The following TTC29 variants were observed in gnomAD, a reference collection of about 807,000 sequenced individuals.
The protein encoded by TTC29 is tetratricopeptide repeat protein 29.
TTC29 carries 49 observed loss-of-function variants against 58.1 expected under a neutral mutation model. The ratio of observed to expected loss-of-function variants is 0.84; its 90% CI spans 0.67 to 1.07. The LOEUF (loss-of-function observed/expected upper bound fraction) is 1.07. TTC29 is among the 50% of genes least tolerant of loss of function. TTC29 has a pLI of 0.00. For missense variants in TTC29, 582 were observed against 555.6 expected (o/e 1.05, Z -0.48); for synonymous variants, 209 against 196.8 (o/e 1.06, Z -0.52).
intron 11 of TTC29, among the ~76,000 whole-genome samples, chr4:146,794,618 C>T (rs770756684): frequency 6.6e-6 from 1 of 151,880 alleles, no homozygotes; most frequent in Non-Finnish European, 1.5e-5. Context: ...CCCACTGATA[C>T]GTTAGTATTA....
At chr4:146,729,250 T>C (rs1744149360) in intron 11 of TTC29, among the ~76,000 whole-genome samples, 1 of 152,160 alleles carries the variant, frequency 6.6e-6, no homozygotes, top group African/African-American at 2.4e-5. Flanking sequence ...GCTGAAAAAG[T>C]GCTTCCTACA....
intron 9 of TTC29, among the ~76,000 whole-genome samples, chr4:146,822,302 T>G (rs1751902498): frequency 6.6e-6 from 1 of 152,110 alleles, no homozygotes; most frequent in African/African-American, 2.4e-5. Flanking sequence ...TTCTTAGTGT[T>G]CAACTCCCAC....
intron 11 of TTC29, among the ~76,000 whole-genome samples, chr4:146,796,622 G>A (rs1309858829): frequency 6.6e-6 from 1 of 152,122 alleles, no homozygotes; most frequent in African/African-American, 2.4e-5. Context: ...CATTAGAGAT[G>A]TATGGTCAAA....
intron 11 of TTC29, among the ~76,000 whole-genome samples, chr4:146,792,179 A>G (rs1020347733): frequency 1.3e-5 from 2 of 152,214 alleles, no homozygotes; most frequent in Non-Finnish European, 2.9e-5. Flanking sequence ...AGAAGATGCT[A>G]TCTAGGGCTT....
chr4:146,781,662 T>C (rs1286699925), intron 11 of TTC29, among the ~76,000 whole-genome samples: 1 of 151,994 alleles, frequency 6.6e-6, no homozygotes. Flanking sequence ...TCATTACAAG[T>C]AAGGCTCACT....
chr4:146,794,931 C>T (rs944082539), intron 11 of TTC29, among the ~76,000 whole-genome samples: 26 of 152,086 alleles, frequency 1.7e-4, no homozygotes, highest in Non-Finnish European at 3.5e-4. Context: ...TCAGCTTTTT[C>T]TCCTTTTAGG....
chr4:146,871,963 A>C (rs1730962670), intron 7 of TTC29, among the ~76,000 whole-genome samples: 1 of 152,096 alleles, frequency 6.6e-6, no homozygotes, highest in Non-Finnish European at 1.5e-5. Flanking sequence ...GAAAAAGAAC[A>C]GTATTACAAA....
intron 11 of TTC29, among the ~76,000 whole-genome samples, chr4:146,711,813 T>A (rs751801831): frequency 6.6e-6 from 1 of 152,094 alleles, no homozygotes; most frequent in East Asian, 1.9e-4. Flanking sequence ...TTCCCCACCA[T>A]GTAAATCATA....
At chr4:146,724,952 A>C (rs1224313286) in intron 11 of TTC29, among the ~76,000 whole-genome samples, 2 of 152,164 alleles carry the variant, frequency 1.3e-5, no homozygotes, top group Non-Finnish European at 2.9e-5. Flanking sequence ...CGCAGTTTAC[A>C]GGTATTGAGT....
chr4:146,926,101 C>A (rs531992284), intron 4 of TTC29, among the ~76,000 whole-genome samples: 135 of 152,240 alleles, frequency 8.9e-4, no homozygotes, highest in African/African-American at 3.2e-3. Context: ...CTGTTACTAT[C>A]TTGTTTGAAA....
intron 6 of TTC29, among the ~76,000 whole-genome samples, chr4:146,880,199 A>G (rs1256708012): frequency 6.6e-6 from 1 of 152,200 alleles, no homozygotes; most frequent in Admixed American, 6.5e-5. Flanking sequence ...AACACAGCTT[A>G]GGAGAACACT....
At chr4:146,732,479 C>T (rs1311765954) in intron 11 of TTC29, among the ~76,000 whole-genome samples, 2 of 152,028 alleles carry the variant, frequency 1.3e-5, no homozygotes, top group African/African-American at 4.8e-5. Context: ...TTGGTAGGAG[C>T]CATTTATTAT....
intron 8 of TTC29, among the ~76,000 whole-genome samples, chr4:146,857,482 T>G (rs1315119497): frequency 6.6e-6 from 1 of 152,216 alleles, no homozygotes; most frequent in Non-Finnish European, 1.5e-5. Flanking sequence ...CCGCTGAGCC[T>G]ACACCTTGAA....
chr4:146,806,451 A>T (rs552231242), intron 10 of TTC29, among the ~76,000 whole-genome samples: 2 of 152,356 alleles, frequency 1.3e-5, no homozygotes, highest in African/African-American at 4.8e-5. Flanking sequence ...TTTGATAAAG[A>T]CTGAAGACCC....
chr4:146,866,050 T>C (rs1730542012), intron 8 of TTC29, among the ~76,000 whole-genome samples: 1 of 152,212 alleles, frequency 6.6e-6, no homozygotes, highest in South Asian at 2.1e-4. Flanking sequence ...CTTTATGATA[T>C]TTGAATATAT....
At position 146,762,350 on chromosome 4, in the gene TTC29, T is replaced by TC. The variant is rs1408611745; in HGVS notation, c.1330+41106_1330+41107insG. Among the ~76,000 whole-genome samples, 25 of 151,248 alleles carry TC rather than the reference T, an allele frequency of 1.7e-4. 1 individual carries two copies. Among genetic ancestry groups the TC allele is most frequent in the African/African-American group, 5.8e-4 (24 of 41,330 alleles). On this transcript the variant is annotated intron_variant, in intron 11 of 12. Transcript: ENST00000325106. ...TCTATTGGATCAGTGTAATTTCTTT[T>TC]TTTTTTTTTTTTCCTGTGAGTCTCA...
At chr4:146,917,630 A>T (rs1734321574) in intron 4 of TTC29, among the ~76,000 whole-genome samples, 2 of 145,038 alleles carry the variant, frequency 1.4e-5, no homozygotes, top group Admixed American at 6.9e-5. Flanking sequence ...ATTAGATATT[A>T]TATAAATTAT....
rs10678715 is a variant in TTC29, at chr4:146,713,111, C to CGTGTGTGTGTGTGTGTGTGTGT, written c.1331-5582_1331-5561dup. 7.1e-4 allele frequency among the ~76,000 whole-genome samples: 99 copies of CGTGTGTGTGTGTGTGTGTGTGT among 139,642 alleles called. 1 individual carries two copies. Among genetic ancestry groups the CGTGTGTGTGTGTGTGTGTGTGT allele is most frequent in the African/African-American group, 2.6e-3 (97 of 36,906 alleles). 91.6% of individuals were successfully genotyped at this position (139,642 alleles called of 152,430 possible). A position where few individuals can be genotyped will look rare whatever the true frequency, so the allele number is the denominator to read the frequency against. On this transcript the variant is annotated intron_variant, in intron 11 of 12. Transcript: ENST00000325106. ...GAGCAGAGAAGGTGGGAGAATTGATCGTGTGTGTGTGTGTGTGTGTGTGTG... is the reference window on the plus strand; with the variant it reads ...GAGCAGAGAAGGTGGGAGAATTGATCGTGTGTGTGTGTGTGTGTGTGTGTGTGTGTGTGTGTGTGTGTGTGTG...
rs1231021713 is a variant in TTC29 at position 146,837,740 on chromosome 4, C to T, written c.886-3843G>A. On this transcript the variant is annotated intron_variant, in intron 8 of 12. Coordinates refer to ENST00000325106, the MANE Select transcript of TTC29 (RefSeq NM_031956.4). The stretch of plus-strand genomic sequence containing the variant: ...GCAGATAATATGTTGGAAACAGAGC[C>T]AGGATCAGGATGGTTAAAATCTAGC... 3.3e-5 allele frequency among the ~76,000 whole-genome samples: 5 copies of T among 151,878 alleles called. No individual in the cohort carries two copies. In the South Asian group the frequency reaches 6.2e-4, roughly 19 times the overall value.
Sources: allele counts gnomAD v4.1 joint callset (sites outside exome capture counted in the v4.1 genomes callset), GRCh38; gene constraint gnomAD v4.1.1; transcripts MANE v1.5; gene names NCBI Gene and HGNC (gene_info 2026-07-23, HGNC 2026-07-21).